Variants in SYT9 observed in about 807,000 individuals in gnomAD.
SYT9 encodes synaptotagmin 9, also known as synaptotagmin-9.
SYT9 carries 22 observed loss-of-function variants against 48.4 expected under a neutral mutation model. The ratio of observed to expected loss-of-function variants is 0.45; its 90% CI spans 0.32 to 0.65. The LOEUF is 0.65. SYT9 is among the 30% of genes least tolerant of loss of function. The pLI is 0.03. For synonymous variants in SYT9, 265 were observed against 245.0 expected (o/e 1.08, Z -0.76); for missense variants, 577 against 622.0 (o/e 0.93, Z 0.77).
intron 6 of SYT9, among the ~76,000 whole-genome samples, chr11:7,421,419 TA>T (rs1847351937): frequency 6.6e-6 from 1 of 152,266 alleles, no homozygotes; most frequent in Non-Finnish European, 1.5e-5. Context: ...ACATTTAATT[TA>T]GTCACAAAAC....
At chr11:7,404,579 C>A (rs1040409320) in intron 3 of SYT9, among the ~76,000 whole-genome samples, 1 of 152,022 alleles carries the variant, frequency 6.6e-6, no homozygotes, top group South Asian at 2.1e-4. Flanking sequence ...AAGAAACTTA[C>A]AACAGTTTCA....
At chr11:7,428,001 A>G (rs1847496839) in intron 6 of SYT9, 1 of 152,338 alleles carries the variant, frequency 6.6e-6, no homozygotes, top group Middle Eastern at 3.4e-3. Flanking sequence ...AGCTAGGGCC[A>G]TTCAGACCTT....
intron 3 of SYT9, among the ~76,000 whole-genome samples, chr11:7,334,838 A>G (rs1007070313): frequency 6.6e-6 from 1 of 152,198 alleles, no homozygotes; most frequent in Non-Finnish European, 1.5e-5. Flanking sequence ...GCTGAGTACT[A>G]TTCCATTGCA....
chr11:7,421,496 A>G (rs12361053), intron 6 of SYT9, among the ~76,000 whole-genome samples: 22,119 of 152,180 alleles, frequency 0.15, 1,683 homozygotes, highest in East Asian at 0.29. Context: ...TTGGGTGTCA[A>G]TGTGTCCAAC....
chr11:7,271,226 G>A (rs901313872), intron 1 of SYT9, among the ~76,000 whole-genome samples: 1 of 151,952 alleles, frequency 6.6e-6, no homozygotes, highest in African/African-American at 2.4e-5. Flanking sequence ...GTCAATTTAG[G>A]TAGCATTTTT....
chr11:7,363,763 G>A (rs1334332453), intron 3 of SYT9, among the ~76,000 whole-genome samples: 1 of 152,152 alleles, frequency 6.6e-6, no homozygotes, highest in Non-Finnish European at 1.5e-5. Flanking sequence ...CAAGGAGGGA[G>A]TGATCATTTA....
At chr11:7,448,228 G>T (rs1334999705) in intron 6 of SYT9, among the ~76,000 whole-genome samples, 2 of 152,236 alleles carry the variant, frequency 1.3e-5, no homozygotes, top group East Asian at 1.9e-4. Flanking sequence ...GAGAAATGGG[G>T]AGGCCTTCTC....
At chr11:7,440,529 A>C (rs1314898685) in intron 6 of SYT9, 1 of 152,238 alleles carries the variant, frequency 6.6e-6, no homozygotes, top group Admixed American at 6.5e-5. Context: ...TAGTCTGCCA[A>C]AACTCTTCAA....
At chr11:7,316,445 T>C (rs1174958160) in intron 3 of SYT9, among the ~76,000 whole-genome samples, 2 of 152,176 alleles carry the variant, frequency 1.3e-5, no homozygotes, top group Non-Finnish European at 2.9e-5. Context: ...GATTATGGCA[T>C]TTAGTAATAG....
intron 6 of SYT9, chr11:7,435,314 A>C (rs1590027356): frequency 6.6e-6 from 1 of 152,254 alleles, no homozygotes; most frequent in Non-Finnish European, 1.5e-5. Flanking sequence ...GATAGGAAAT[A>C]ATAAGGAAGA....
chr11:7,393,782 T>A lies in SYT9; in HGVS notation c.1045-22260T>A, dbSNP rs147112143. Among the ~76,000 whole-genome samples, 414 of 152,236 alleles carry A rather than the reference T, an allele frequency of 2.7e-3. 1 individual carries two copies. Among genetic ancestry groups the A allele is most frequent in the Admixed American group, 7.5e-3 (114 of 15,278 alleles). ...ATTCAATTTCTGAGCTCATTACTGA[T>A]CTGTTCAGGTTTTCAATTTCTTCCT... On this transcript the variant is annotated intron_variant, in intron 3 of 6. Coordinates refer to ENST00000318881, the MANE Select transcript of SYT9 (RefSeq NM_175733.4).
chr11:7,367,605 C>G lies in SYT9; in HGVS notation c.1045-48437C>G, dbSNP rs552570661. On this transcript the variant is annotated intron_variant, in intron 3 of 6. Transcript: ENST00000318881. ...AAGTTTATTTAAGCCATTTCCTTTT[C>G]TTCTTTTGTGACTTGCCTGCTTCTT... Among the ~76,000 whole-genome samples, 3 of 152,060 alleles carry G rather than the reference C, an allele frequency of 2.0e-5. No individual in the cohort carries two copies. The South Asian group carries it at 6.2e-4, about 32-fold the overall frequency.
At chr11:7,447,739 G>A (rs940169192) in intron 6 of SYT9, among the ~76,000 whole-genome samples, 1 of 152,132 alleles carries the variant, frequency 6.6e-6, no homozygotes, top group Non-Finnish European at 1.5e-5. Context: ...ATGCTATTTT[G>A]TAATTTTGTG....
chr11:7,378,178 C>T (rs1850491824), intron 3 of SYT9, among the ~76,000 whole-genome samples: 1 of 150,982 alleles, frequency 6.6e-6, no homozygotes, highest in South Asian at 2.1e-4. Flanking sequence ...AGAAACAGCA[C>T]ACAAAGAAAT....
At chr11:7,255,165 GT>G (rs1213385237) in intron 1 of SYT9, among the ~76,000 whole-genome samples, 3 of 152,228 alleles carry the variant, frequency 2.0e-5, no homozygotes, top group African/African-American at 7.2e-5. Flanking sequence ...TGTTTTATAT[GT>G]TAATGATGTG....
intron 3 of SYT9, among the ~76,000 whole-genome samples, chr11:7,376,023 A>T (rs1291366283): frequency 6.6e-6 from 1 of 152,014 alleles, no homozygotes; most frequent in East Asian, 1.9e-4. Flanking sequence ...TCCCTTTTCT[A>T]AAAGTAACAG....
intron 3 of SYT9, among the ~76,000 whole-genome samples, chr11:7,352,620 G>C (rs1168107809): frequency 6.6e-6 from 1 of 152,206 alleles, no homozygotes; most frequent in East Asian, 1.9e-4. Context: ...GGTCTCTGAT[G>C]ACTGTGTAAT....
chr11:7,420,356 T>A (rs549012489), intron 5 of SYT9, 150 bp from the exon 6 acceptor site: 1 of 1,007,286 alleles, frequency 9.9e-7, no homozygotes, highest in Admixed American at 2.5e-5. Flanking sequence ...CCGTGAAGCT[T>A]AGCCTGTAGT....
At chr11:7,409,682 G>A (rs972115186) in intron 3 of SYT9, among the ~76,000 whole-genome samples, 1 of 152,034 alleles carries the variant, frequency 6.6e-6, no homozygotes, top group Non-Finnish European at 1.5e-5. Context: ...CGTGTGTGAT[G>A]ATCTTTTGTA....
Sources: gnomAD v4.1 joint callset for allele counts (sites outside exome capture counted in the v4.1 genomes callset) on GRCh38, gnomAD v4.1.1 for gene constraint, MANE v1.5 for transcripts, NCBI Gene and HGNC (gene_info 2026-07-23, HGNC 2026-07-21) for gene names.